The following ENPP2 variants were observed in gnomAD, a reference collection of about 807,000 sequenced individuals.
ENPP2 encodes the protein autotaxin.
A neutral mutation model predicts 120.2 loss-of-function variants in ENPP2; 51 were observed. That is an observed-to-expected ratio of 0.42 (90% CI 0.34 to 0.54). The LOEUF is 0.54. Ranked by LOEUF, ENPP2 falls within the 20% of genes least tolerant of loss-of-function variation. The pLI is 0.04. For missense variants in ENPP2, 920 were observed against 1,066.5 expected (o/e 0.86, Z 1.91); for synonymous variants, 365 against 366.4 (o/e 1.00, Z 0.04).
upstream of ENPP2, among the ~76,000 whole-genome samples, chr8:119,639,531 G>T (rs531308146): frequency 6.6e-6 from 1 of 152,120 alleles, no homozygotes; most frequent in East Asian, 1.9e-4. Context: ...AAGTCCTTCT[G>T]CCCTGGGAGG....
chr8:119,568,914 A>G (rs546418303), intron 21 of ENPP2, among the ~76,000 whole-genome samples: 2 of 152,276 alleles, frequency 1.3e-5, no homozygotes, highest in Admixed American at 1.3e-4. Flanking sequence ...GCCTCAAGCA[A>G]TCTTAAGAGA....
At chr8:119,582,072 T>A (rs1308703555) in intron 18 of ENPP2, among the ~76,000 whole-genome samples, 1 of 152,144 alleles carries the variant, frequency 6.6e-6, no homozygotes, top group East Asian at 1.9e-4. Flanking sequence ...GGGCCACCTG[T>A]CTCCCGTCGG....
intron 8 of ENPP2, among the ~76,000 whole-genome samples, chr8:119,613,925 C>T (rs1815283297): frequency 6.6e-6 from 1 of 152,022 alleles, no homozygotes; most frequent in South Asian, 2.1e-4. Flanking sequence ...TTGTTATTTG[C>T]TATAGTCACC....
At chr8:119,670,052 A>G (rs1818195387) in intron 1 of ENPP2, among the ~76,000 whole-genome samples, 2 of 152,168 alleles carry the variant, frequency 1.3e-5, no homozygotes. Flanking sequence ...CCACCTATCT[A>G]GGCCTTTAGT....
At chr8:119,563,763 T>A (rs1258710289) in intron 23 of ENPP2, among the ~76,000 whole-genome samples, 1 of 152,052 alleles carries the variant, frequency 6.6e-6, no homozygotes, top group Non-Finnish European at 1.5e-5. Context: ...TGATCAGCAA[T>A]AAAATAAATG....
intron 13 of ENPP2, among the ~76,000 whole-genome samples, chr8:119,588,076 C>T (rs571020160): frequency 6.6e-6 from 1 of 152,242 alleles, no homozygotes; most frequent in Admixed American, 6.5e-5. Flanking sequence ...AATATACAGA[C>T]TCCAAAGTCT....
At position 119,659,253 on chromosome 8, in the gene ENPP2, G is replaced by T. The variant is rs183817624; in HGVS notation, c.21+13999C>A. ...AATTGCTTGTACCTAGGAGAGGGAGGTTGCAGTGAACCGAGGTGGTGCCAC... is the reference window on the plus strand; with the variant it reads ...AATTGCTTGTACCTAGGAGAGGGAGTTTGCAGTGAACCGAGGTGGTGCCAC... On this transcript the variant is annotated intron_variant, in intron 1 of 25. Coordinates refer to the ENPP2 transcript ENST00000427067. Among the ~76,000 whole-genome samples the T allele has an allele frequency of 1.4e-4, 21 of 149,880 alleles. No homozygotes were observed. In the East Asian group the frequency reaches 4.1e-3, roughly 29 times the overall value.
At chr8:119,568,917 T>A (rs1814715535) in intron 21 of ENPP2, among the ~76,000 whole-genome samples, 2 of 152,206 alleles carry the variant, frequency 1.3e-5, no homozygotes, top group African/African-American at 4.8e-5. Flanking sequence ...TCAAGCAATC[T>A]TAAGAGATCC....
intron 22 of ENPP2, among the ~76,000 whole-genome samples, chr8:119,565,505 A>C (rs966662002): frequency 2.4e-4 from 36 of 152,142 alleles, no homozygotes; most frequent in Admixed American, 7.2e-4. Context: ...GTTCCTTCCT[A>C]ATCCTGCCCC....
chr8:119,576,910 T>G (rs1384099019), intron 19 of ENPP2, among the ~76,000 whole-genome samples: 2 of 152,244 alleles, frequency 1.3e-5, no homozygotes, highest in East Asian at 3.8e-4. Flanking sequence ...ACATTTTTCT[T>G]TCTCTTTATT....
At chr8:119,666,551 C>A (rs750130133) in intron 1 of ENPP2, among the ~76,000 whole-genome samples, 1 of 152,068 alleles carries the variant, frequency 6.6e-6, no homozygotes, top group African/African-American at 2.4e-5. Context: ...GAGGCCGAGG[C>A]GGGCAGATCA....
intron 19 of ENPP2, chr8:119,572,377 G>A: frequency 1.4e-6 from 1 of 714,614 alleles, no homozygotes; most frequent in Non-Finnish European, 2.4e-6. Flanking sequence ...TCCATTAGGG[G>A]ACAATAAAAT....
At chr8:119,577,399 C>A (rs1287337081) in intron 19 of ENPP2, among the ~76,000 whole-genome samples, 4 of 152,072 alleles carry the variant, frequency 2.6e-5, no homozygotes, top group African/African-American at 9.7e-5. Context: ...AAATGGGAGG[C>A]CAAATTTATG....
At chr8:119,619,985 C>T (rs951943318) in intron 4 of ENPP2, among the ~76,000 whole-genome samples, 1 of 152,124 alleles carries the variant, frequency 6.6e-6, no homozygotes, top group African/African-American at 2.4e-5. Context: ...ACAAAAGTTA[C>T]ATATCCTGAA....
At position 119,595,909 on chromosome 8, in the gene ENPP2, T is replaced by C. The variant is rs780268057; in HGVS notation, c.973-2049A>G. Reference sequence around the variant, plus strand: ...CTATGTATTTTTCTTCTTCTTTTCTTTGGAGGAGCAACTGGTCTTTCCTGT... The same window carrying C: ...CTATGTATTTTTCTTCTTCTTTTCTCTGGAGGAGCAACTGGTCTTTCCTGT... On this transcript the variant is annotated intron_variant, in intron 11 of 24. Coordinates refer to ENST00000075322, the MANE Select transcript of ENPP2 (RefSeq NM_001040092.3). 10 of 1,614,074 alleles carry C rather than the reference T, an allele frequency of 6.2e-6. No homozygotes were observed. Among genetic ancestry groups the C allele is most frequent in the African/African-American group, 1.3e-5 (1 of 75,044 alleles).
At chr8:119,564,365 G>A (rs1443366756) in intron 23 of ENPP2, among the ~76,000 whole-genome samples, 3 of 151,986 alleles carry the variant, frequency 2.0e-5, no homozygotes, top group Non-Finnish European at 4.4e-5. Flanking sequence ...CACCACCAAT[G>A]CCCATTTAAT....
Position 119,600,713 on chromosome 8 carries a change from A to T in ENPP2, c.937T>A (p.Phe313Ile). Residue 313 changes from phenylalanine (F) to isoleucine (I), a missense_variant, in exon 11 of 25, where the codon TTC (phenylalanine) becomes ATC (isoleucine). Coordinates refer to ENST00000075322, the MANE Select transcript of ENPP2 (RefSeq NM_001040092.3). Reference sequence around the variant, plus strand: ...AAAGGGCCATATTTGTGTCCAGAGAAATCAGGTTGCTCAGAATAGAAGGCA... The same window carrying T: ...AAAGGGCCATATTTGTGTCCAGAGATATCAGGTTGCTCAGAATAGAAGGCA... Reference protein sequence around the residue: ...VYAFYSEQPDFSGHKYGPFGP... With the variant: ...VYAFYSEQPDISGHKYGPFGP... 3 of 1,613,318 alleles carry T rather than the reference A, an allele frequency of 1.9e-6. No homozygotes were observed. Among genetic ancestry groups the T allele is most frequent in the Non-Finnish European group, 8.5e-7 (1 of 1,179,286 alleles).
At chr8:119,602,118 G>A (rs1452991206) in intron 9 of ENPP2, among the ~76,000 whole-genome samples, 3 of 152,054 alleles carry the variant, frequency 2.0e-5, no homozygotes, top group Admixed American at 2.0e-4. Flanking sequence ...TAAAATAATG[G>A]GTTAGGGAAG....
chr8:119,577,440 A>G (rs961821478), intron 19 of ENPP2, among the ~76,000 whole-genome samples: 4 of 152,206 alleles, frequency 2.6e-5, no homozygotes, highest in Non-Finnish European at 5.9e-5. Flanking sequence ...GCCTGAAAGA[A>G]CTCAGACCAA....
Sources: allele counts gnomAD v4.1 joint callset (sites outside exome capture counted in the v4.1 genomes callset), GRCh38; gene constraint gnomAD v4.1.1; transcripts MANE v1.5; gene names NCBI Gene and HGNC (gene_info 2026-07-23, HGNC 2026-07-21).